Variants in LIAS observed in about 807,000 individuals in gnomAD.
LIAS encodes lipoic acid synthetase.
LIAS carries 36 observed loss-of-function variants against 49.4 expected under a neutral mutation model. That is an observed-to-expected ratio of 0.73 (90% CI 0.56 to 0.96). The LOEUF is 0.96. Among genes scored for constraint, LIAS ranks in the 40% least tolerant of loss-of-function variants. The pLI, the probability that LIAS is intolerant of heterozygous loss-of-function variation, is 0.00. For synonymous variants in LIAS, 145 were observed against 155.8 expected (o/e 0.93, Z 0.52); for missense variants, 399 against 456.3 (o/e 0.87, Z 1.14).
chr4:39,474,371 G>A (rs1371978989), intron 10 of LIAS, among the ~76,000 whole-genome samples: 3 of 151,930 alleles, frequency 2.0e-5, no homozygotes, highest in Admixed American at 2.0e-4. Context: ...GTTCAAGGAT[G>A]CAGTGAGCTA....
At chr4:39,469,217 CTTAAT>C (rs1744890646) in intron 7 of LIAS, 1 of 152,186 alleles carries the variant, frequency 6.6e-6, no homozygotes, top group Admixed American at 6.5e-5. Context: ...GAGACCATAA[CTTAAT>C]TTCAGTGGAG....
Position 39,477,984 on chromosome 4 carries a change from A to T in LIAS, c.*869A>T, listed in dbSNP as rs1415134370. The T allele has an allele frequency of 6.6e-6, 1 of 152,052 alleles. No individual in the cohort carries two copies. The highest frequency in any genetic ancestry group is 6.6e-5 in the Admixed American group (1 of 15,264). 9.4% of individuals were successfully genotyped at this position (152,052 alleles called of 1,614,324 possible). On this transcript the variant is annotated 3_prime_UTR_variant, in exon 11 of 11. Coordinates refer to ENST00000640888, the MANE Select transcript of LIAS (RefSeq NM_006859.4). The stretch of plus-strand genomic sequence containing the variant: ...TGCTCTCCAGACTCTGTCTTGAAAA[A>T]AAAACCCAAAAACTTCCAGAAGATT...
intron 10 of LIAS, chr4:39,476,266 C>T (rs1275208685): frequency 6.6e-6 from 1 of 152,206 alleles, no homozygotes; most frequent in Non-Finnish European, 1.5e-5. Context: ...GTTGGTGCTA[C>T]TCCCACGACA....
chr4:39,463,650 A>G, intron 4 of LIAS, 45 bp downstream of exon 4: 1 of 1,582,568 alleles, frequency 6.3e-7, no homozygotes, highest in Non-Finnish European at 8.6e-7. Flanking sequence ...AGAAACTGAA[A>G]GGGACTATTT....
At position 39,473,190 on chromosome 4, in the gene LIAS, G is replaced by C; in HGVS notation, c.1045G>C (p.Val349Leu). The C allele has an allele frequency of 1.9e-6, 3 of 1,611,076 alleles. No homozygotes were observed. The highest frequency in any genetic ancestry group is 2.5e-6 in the Non-Finnish European group (3 of 1,177,264). ...GFHYTASGPL[V>L]RSSYKAGEFF... The stretch of plus-strand genomic sequence containing the variant: ...TCATTATACTGCAAGTGGCCCTTTG[G>C]TGCGTTCTTCATATAAAGCAGGTAA... The change falls in exon 10 of 11, where the codon GTG becomes CTG. Residue 349 changes from valine (V) to leucine (L), a missense_variant. Physicochemically the swap from Val to Leu is conservative, Grantham distance 32. Around this residue, in one of 3 missense-constraint regions of LIAS, gnomAD observed 234 missense variants for 292.2 expected, o/e 0.80. Coordinates refer to ENST00000640888, the MANE Select transcript of LIAS (RefSeq NM_006859.4).
In LIAS at chr4:39,467,564, G is replaced by A; in HGVS notation, c.655G>A (p.Asp219Asn). ...VECLTPDFRG[D>N]LKAIEKVALS... ...GTGTCTTACTCCTGATTTTCGAGGT[G>A]ATCTCAAAGCAATAGAAAAAGTTGC... Residue 219 changes from aspartate (D) to asparagine (N), a missense_variant, in exon 7 of 11, where the codon GAT (aspartate) becomes AAT (asparagine). Coordinates refer to ENST00000640888, the MANE Select transcript of LIAS (RefSeq NM_006859.4). 6.2e-7 allele frequency: 1 copy of A among 1,607,764 alleles called. No homozygotes were observed. The highest frequency in any genetic ancestry group is 8.5e-7 in the Non-Finnish European group (1 of 1,176,982).
At position 39,470,026 on chromosome 4, in the gene LIAS, C is replaced by G; in HGVS notation, c.745C>G (p.Arg249Gly). Residue 249 changes from arginine to glycine, a missense_variant, in exon 8 of 11, where the codon CGT becomes GGT. Around this residue, in one of 3 missense-constraint regions of LIAS, gnomAD observed 234 missense variants for 292.2 expected, o/e 0.80. Transcript: ENST00000640888. ...AGTCCTGCTGTTTTCCAGTAAGGTT[C>G]GTGATCCTCGGGCCAATTTTGATCA... is the stretch of plus-strand genomic sequence containing the variant. ...ETVPELQSKV[R>G]DPRANFDQSL... 2 of 1,607,454 alleles carry G rather than the reference C, an allele frequency of 1.2e-6. No individual in the cohort carries two copies.
chr4:39,478,147 T>G lies in LIAS; in HGVS notation c.*1032T>G, dbSNP rs1745268043. Reference sequence around the variant, plus strand: ...ATTCAACTTTAGCATTCATTCAACGTAGATTGAAACTCATCAGATTAGCAT... The same window carrying G: ...ATTCAACTTTAGCATTCATTCAACGGAGATTGAAACTCATCAGATTAGCAT... On this transcript the variant is annotated 3_prime_UTR_variant, in exon 11 of 11. Transcript: ENST00000640888. 1 of 152,240 alleles carries G rather than the reference T, an allele frequency of 6.6e-6. No individual in the cohort carries two copies. The highest frequency in any genetic ancestry group is 6.5e-5 in the Admixed American group (1 of 15,288). The allele number at this position is 152,240 out of a possible 1,614,324, so 9.4% of individuals were successfully genotyped here.
chr4:39,464,815 C>T (rs1316329792), intron 4 of LIAS, among the ~76,000 whole-genome samples: 1 of 152,134 alleles, frequency 6.6e-6, no homozygotes, highest in Non-Finnish European at 1.5e-5. Context: ...CTTTCCTGAT[C>T]CCATCCCCTT....
chr4:39,477,256 T>C lies in LIAS; in HGVS notation c.*141T>C, dbSNP rs10016820. On this transcript the variant is annotated 3_prime_UTR_variant, in exon 11 of 11. Transcript: ENST00000640888. ...AAAAAAAAATGTCAATAGCCAGGCA[T>C]AGTGGCTCACGCCTGTAATCCCAGC... The C allele has an allele frequency of 5.7e-3, 3,737 of 656,674 alleles. 110 individuals are homozygous for C. The African/African-American group carries it at 0.063, about 11-fold the overall frequency. The allele number at this position is 656,674 out of a possible 1,614,324, so 40.7% of individuals were successfully genotyped here.
chr4:39,464,846 T>C (rs1744697236), intron 4 of LIAS, among the ~76,000 whole-genome samples, 200 bp from the exon 5 acceptor site: 1 of 152,204 alleles, frequency 6.6e-6, no homozygotes, highest in South Asian at 2.1e-4. Flanking sequence ...ACTATTCTTA[T>C]TGCTGAGTTT....
At chr4:39,472,962 G>A (rs1745050637) in intron 9 of LIAS, 138 bp from the exon 10 acceptor site, 1 of 583,700 alleles carries the variant, frequency 1.7e-6, no homozygotes, top group Non-Finnish European at 3.0e-6. Context: ...AGTCAGGGAG[G>A]AGGGAGAGGA....
Position 39,459,256 on chromosome 4 carries a change from TG to T in LIAS, c.45+95del, listed in dbSNP as rs1560663792. On this transcript the variant is annotated intron_variant, in intron 1 of 10. Transcript: ENST00000640888. ...CAATAATAAAGGCCAGTGCATTTAC[TG>T]AACATTTACTACTAGCCAACGGCAG... 4.3e-6 allele frequency: 5 copies of T among 1,165,170 alleles called. No individual in the cohort carries two copies. The African/African-American group carries it at 4.6e-5, about 11-fold the overall frequency. The allele number at this position is 1,165,170 out of a possible 1,614,324, so 72.2% of individuals were successfully genotyped here. A position where few individuals can be genotyped will look rare whatever the true frequency, so the allele number is the denominator to read the frequency against.
Position 39,471,808 on chromosome 4 carries a change from G to A in LIAS, c.954+502G>A, listed in dbSNP as rs888866598. ...CTCCCAAAGCGCTAGGATTACAGGC[G>A]TGAGCCACCGCACCCAGCCAATTTT... On this transcript the variant is annotated intron_variant, in intron 9 of 10. Transcript: ENST00000640888. Among the ~76,000 whole-genome samples, 10 of 151,904 alleles carry A rather than the reference G, an allele frequency of 6.6e-5. No homozygotes were observed. The East Asian group carries it at 7.7e-4, about 12-fold the overall frequency.
At chr4:39,468,651 G>A (rs866054992) in intron 7 of LIAS, among the ~76,000 whole-genome samples, 32 of 148,392 alleles carry the variant, frequency 2.2e-4, no homozygotes, top group African/African-American at 7.1e-4. Flanking sequence ...GGCCGAGGCG[G>A]GCGGATTACC....
intron 1 of LIAS, among the ~76,000 whole-genome samples, chr4:39,460,543 A>AC (rs1168005815): frequency 4.0e-5 from 6 of 151,694 alleles, no homozygotes; most frequent in South Asian, 2.1e-4. Flanking sequence ...CAAAAAAAAA[A>AC]AAAAAAAAAC....
In LIAS at chr4:39,460,990, C is replaced by T. The variant is rs144659878; in HGVS notation, c.218+28C>T. The T allele has an allele frequency of 1.4e-4, 221 of 1,558,244 alleles. No individual in the cohort carries two copies. The African/African-American group carries it at 2.9e-3, about 20-fold the overall frequency. ...AATTGAAAATTTGAGATAATTTTAA[C>T]GTCCCGTTCCTTTATTGTGCATTAT... On this transcript the variant is annotated intron_variant, in intron 2 of 10. Transcript: ENST00000640888.
At chr4:39,463,903 TG>T (rs578178800) in intron 4 of LIAS, 73 of 327,208 alleles carry the variant, frequency 2.2e-4, no homozygotes, top group African/African-American at 1.4e-3. Context: ...GCTTTTTATG[TG>T]TTTTCTGTTT....
Position 39,477,566 on chromosome 4 carries a change from A to T in LIAS, c.*451A>T, listed in dbSNP as rs2109894785. 1 of 154,680 alleles carries T rather than the reference A, an allele frequency of 6.5e-6. No homozygotes were observed. The highest frequency in any genetic ancestry group is 6.5e-5 in the Admixed American group (1 of 15,320). 9.6% of individuals were successfully genotyped at this position (154,680 alleles called of 1,614,324 possible). A position where few individuals can be genotyped will look rare whatever the true frequency, so the allele number is the denominator to read the frequency against. ...AAGGAAAAAAAAGTCAATAAACTGT[A>T]CAAATTTAATTACAGTAATTCATTT... On this transcript the variant is annotated 3_prime_UTR_variant, in exon 11 of 11. Transcript: ENST00000640888.
Sources: allele counts gnomAD v4.1 joint callset (sites outside exome capture counted in the v4.1 genomes callset), GRCh38; gene constraint gnomAD v4.1.1; regional missense constraint gnomAD v4.1.1; transcripts MANE v1.5; gene names NCBI Gene and HGNC (gene_info 2026-07-23, HGNC 2026-07-21).